The following RPS6KA5 variants were observed in gnomAD, a reference collection of about 807,000 sequenced individuals.
The protein encoded by RPS6KA5 is ribosomal protein S6 kinase alpha-5.
Under a neutral mutation model 85.5 loss-of-function variants are expected in RPS6KA5, and 27 were observed. That is an observed-to-expected ratio of 0.32 (90% CI 0.23 to 0.44). The LOEUF is 0.44. RPS6KA5 is among the 20% of genes least tolerant of loss of function. The probability of loss-of-function intolerance (pLI) is 1.00; values close to 1 mark genes in which losing one functional copy is unlikely to be tolerated. For missense variants in RPS6KA5, 811 were observed against 980.9 expected (o/e 0.83, Z 2.31); for synonymous variants, 334 against 348.2 (o/e 0.96, Z 0.46).
intron 5 of RPS6KA5, among the ~76,000 whole-genome samples, chr14:90,937,031 G>A (rs2037296613): frequency 6.6e-6 from 1 of 151,808 alleles, no homozygotes; most frequent in African/African-American, 2.4e-5. Flanking sequence ...TGTAAGAAGA[G>A]TACAGCATAA....
rs548584883 is a variant in RPS6KA5, at chr14:91,038,803, G to C, written c.103+21529C>G. Among the ~76,000 whole-genome samples the C allele has an allele frequency of 7.9e-5, 12 of 152,322 alleles. No individual in the cohort carries two copies. The East Asian group carries it at 2.3e-3, about 29-fold the overall frequency. On this transcript the variant is annotated intron_variant, in intron 1 of 16. Transcript: ENST00000614987. ...CAGTGCTAATCTAGAGCCTAGAAGG[G>C]AGTTCTGGGAAACATAATTCCAGTT...
rs770884768 is a variant in RPS6KA5 at position 90,902,822 on chromosome 14, C to G, written c.1105G>C (p.Glu369Gln). 1 of 1,613,854 alleles carries G rather than the reference C, an allele frequency of 6.2e-7. No individual in the cohort carries two copies. The highest frequency in any genetic ancestry group is 8.5e-7 in the Non-Finnish European group (1 of 1,179,868). The change falls in exon 9 of 17, where the codon GAG becomes CAG. Residue 369 changes from glutamate (E) to glutamine (Q), a missense_variant. Coordinates refer to ENST00000614987, the MANE Select transcript of RPS6KA5 (RefSeq NM_004755.4). ...TGGGAAATTACCTGAAACAGCTTCTCAGAACTCTGGGGCAGGGCTGCGGGA... is the reference window on the plus strand; with the variant it reads ...TGGGAAATTACCTGAAACAGCTTCTGAGAACTCTGGGGCAGGGCTGCGGGA... ...YSPAALPQSS[E>Q]KLFQGYSFVA... is the part of the protein sequence containing the mutation.
chr14:90,940,300 TCTC>T (rs1328206561), intron 5 of RPS6KA5, among the ~76,000 whole-genome samples: 1 of 152,136 alleles, frequency 6.6e-6, no homozygotes, highest in African/African-American at 2.4e-5. Context: ...CAGCTTGAAC[TCTC>T]CTATTTCATT....
chr14:90,963,125 T>G (rs1342659282), intron 3 of RPS6KA5, among the ~76,000 whole-genome samples: 5 of 152,338 alleles, frequency 3.3e-5, no homozygotes, highest in South Asian at 2.1e-4. Context: ...TCCATGGTCT[T>G]TCTTTCTTGG....
At chr14:90,991,467 C>T (rs11627797) in intron 2 of RPS6KA5, among the ~76,000 whole-genome samples, 3 of 151,926 alleles carry the variant, frequency 2.0e-5, no homozygotes, top group Non-Finnish European at 2.9e-5. Context: ...TTTGGAAGGC[C>T]GAGGCAGGTG....
chr14:91,044,608 T>C (rs2042790444), intron 1 of RPS6KA5, among the ~76,000 whole-genome samples: 1 of 152,044 alleles, frequency 6.6e-6, no homozygotes, highest in South Asian at 2.1e-4. Context: ...GTGCGGTGGC[T>C]CACGCCTGTA....
chr14:91,015,322 A>G (rs949894541), intron 1 of RPS6KA5, among the ~76,000 whole-genome samples: 1 of 152,200 alleles, frequency 6.6e-6, no homozygotes, highest in African/African-American at 2.4e-5. Flanking sequence ...CATTTACAAT[A>G]GAAGTCTTGC....
chr14:90,943,097 T>C lies in RPS6KA5; in HGVS notation c.599A>G (p.Lys200Arg). The C allele has an allele frequency of 6.2e-7, 1 of 1,607,420 alleles. No individual in the cohort carries two copies. Among genetic ancestry groups the C allele is most frequent in the Non-Finnish European group, 8.5e-7 (1 of 1,174,062 alleles). ...HVVLTDFGLS[K>R]EFVADETERA... is the part of the protein sequence containing the mutation. Reference sequence around the variant, plus strand: ...ACTCACTTCATCAGCCACAAACTCCTTACTCAGACCAAAATCTGTCAGCAC... The same window carrying C: ...ACTCACTTCATCAGCCACAAACTCCCTACTCAGACCAAAATCTGTCAGCAC... The change falls in exon 5 of 17, where the codon AAG becomes AGG. Residue 200 changes from lysine to arginine, a missense_variant. By Grantham distance (26) the Lys-to-Arg change is conservative. Coordinates refer to ENST00000614987, the MANE Select transcript of RPS6KA5 (RefSeq NM_004755.4).
At chr14:90,976,531 T>C (rs147761467) in intron 3 of RPS6KA5, among the ~76,000 whole-genome samples, 1 of 152,174 alleles carries the variant, frequency 6.6e-6, no homozygotes, top group African/African-American at 2.4e-5. Context: ...GTGTGTTCAT[T>C]TGAGGGAAGG....
intron 7 of RPS6KA5, among the ~76,000 whole-genome samples, chr14:90,907,009 A>G (rs1325134185): frequency 1.3e-5 from 2 of 152,346 alleles, no homozygotes; most frequent in South Asian, 2.1e-4. Context: ...TAAGATGGTA[A>G]TAAAGTTTCT....
At chr14:90,960,236 T>G (rs1022983160) in intron 3 of RPS6KA5, among the ~76,000 whole-genome samples, 1 of 152,090 alleles carries the variant, frequency 6.6e-6, no homozygotes, top group African/African-American at 2.4e-5. Flanking sequence ...TTACGCCTCT[T>G]TGTTTATCAA....
rs772183324 is a variant in RPS6KA5 at position 90,890,586 on chromosome 14, C to T, written c.1737G>A (p.Leu579=). Residue 579 remains leucine (L), a synonymous_variant, in exon 14 of 17, where the codon CTG becomes CTA. Coordinates refer to ENST00000614987, the MANE Select transcript of RPS6KA5 (RefSeq NM_004755.4). ...AATGAAGGGTGAAGCATGGAGTCTT[C>T]AGGGGCTGATTATCCGGTGGCTTTA... ...ARLKPPDNQP[L]KTPCFTLHYA... 8 of 1,614,192 alleles carry T rather than the reference C, an allele frequency of 5.0e-6. No individual in the cohort carries two copies. The South Asian group carries it at 5.5e-5, about 11-fold the overall frequency.
At chr14:90,929,393 T>A (rs1471733896) in intron 5 of RPS6KA5, among the ~76,000 whole-genome samples, 2 of 152,108 alleles carry the variant, frequency 1.3e-5, no homozygotes, top group Non-Finnish European at 2.9e-5. Context: ...AAAATCCAAG[T>A]CAATCTATAA....
chr14:90,855,148 G>C lies in RPS6KA5; in HGVS notation c.*16926C>G, dbSNP rs1383012091. 5 of 152,024 alleles carry C rather than the reference G, an allele frequency of 3.3e-5. No homozygotes were observed. Among genetic ancestry groups the C allele is most frequent in the African/African-American group, 1.2e-4 (5 of 41,376 alleles). The allele number at this position is 152,024 out of a possible 1,614,324, so 9.4% of individuals were successfully genotyped here. ...CATTCAAATGAATACAGATTATCTAGGATAAAGATATTTCAAATGTATATG... is the reference window on the plus strand; with the variant it reads ...CATTCAAATGAATACAGATTATCTACGATAAAGATATTTCAAATGTATATG... On this transcript the variant is annotated 3_prime_UTR_variant, in exon 17 of 17. Transcript: ENST00000614987.
chr14:91,046,409 C>T (rs140743662), intron 1 of RPS6KA5, among the ~76,000 whole-genome samples: 33 of 152,228 alleles, frequency 2.2e-4, no homozygotes, highest in African/African-American at 7.7e-4. Context: ...TCAATACACA[C>T]AAGTAACATT....
intron 7 of RPS6KA5, among the ~76,000 whole-genome samples, chr14:90,914,712 TAGAGTG>T (rs2036021533): frequency 1.3e-5 from 2 of 152,142 alleles, no homozygotes; most frequent in South Asian, 4.1e-4. Context: ...CAACAGGTTG[TAGAGTG>T]AAGCAGTGCA....
chr14:90,921,134 C>T (rs1418222366), intron 6 of RPS6KA5, among the ~76,000 whole-genome samples: 2 of 152,060 alleles, frequency 1.3e-5, no homozygotes, highest in African/African-American at 4.8e-5. Context: ...GAAATATTAA[C>T]TAGATGTTAA....
chr14:90,959,975 T>C (rs956635093), intron 3 of RPS6KA5, among the ~76,000 whole-genome samples: 19 of 152,188 alleles, frequency 1.2e-4, no homozygotes, highest in Admixed American at 1.2e-3. Flanking sequence ...GCCATAGCTC[T>C]GCCCTGAGAG....
rs372498613 is a variant in RPS6KA5 at position 90,900,744 on chromosome 14, C to T, written c.1120-8G>A. The T allele has an allele frequency of 4.4e-6, 7 of 1,603,184 alleles. No individual in the cohort carries two copies. The highest frequency in any genetic ancestry group is 2.2e-5 in the East Asian group (1 of 44,650). On this transcript the variant is annotated splice_region_variant and splice_polypyrimidine_tract_variant and intron_variant, in intron 9 of 16. Coordinates refer to ENST00000614987, the MANE Select transcript of RPS6KA5 (RefSeq NM_004755.4). Reference sequence around the variant, plus strand: ...AGCAACAAAGGAATAGCCCTAAAAACAAGACAAAGAAAGATAAAGAAAAAC... The same window carrying T: ...AGCAACAAAGGAATAGCCCTAAAAATAAGACAAAGAAAGATAAAGAAAAAC...
Sources: allele counts gnomAD v4.1 joint callset (sites outside exome capture counted in the v4.1 genomes callset), GRCh38; gene constraint gnomAD v4.1.1; transcripts MANE v1.5; gene names NCBI Gene and HGNC (gene_info 2026-07-23, HGNC 2026-07-21).